Variants in UACA observed in about 807,000 individuals in gnomAD.
UACA encodes nuclear membrane binding protein.
UACA carries 112 observed loss-of-function variants against 160.5 expected under a neutral mutation model. That is an observed-to-expected ratio of 0.70 (90% CI 0.60 to 0.82). The LOEUF (loss-of-function observed/expected upper bound fraction) is 0.82, where lower values mean the gene tolerates loss of function less well. UACA is among the 40% of genes least tolerant of loss of function. The probability of loss-of-function intolerance (pLI) is 0.00; values close to 1 mark genes in which losing one functional copy is unlikely to be tolerated. For synonymous variants in UACA, 557 were observed against 568.4 expected, an observed-to-expected ratio of 0.98 and a Z score of 0.29; for missense variants, 1,574 against 1,614.6, an observed-to-expected ratio of 0.97 and a Z score of 0.43.
At chr15:70,766,679 G>C (rs1026388887), upstream of UACA, among the ~76,000 whole-genome samples, 1 of 152,096 alleles carries the variant, frequency 6.6e-6, no homozygotes, top group African/African-American at 2.4e-5. Context: ...CTGGACAATC[G>C]CTTACTGAAT....
upstream of UACA, chr15:70,763,645 G>C (rs1278755223): frequency 1.6e-6 from 1 of 640,376 alleles, no homozygotes; most frequent in Non-Finnish European, 2.2e-6. Context: ...CGGAATGCGG[G>C]AATGGGGCGG....
chr15:70,770,043 TA>T, the UACA span, among the ~76,000 whole-genome samples: 1 of 152,168 alleles, frequency 6.6e-6, no homozygotes, highest in African/African-American at 2.4e-5. Flanking sequence ...AAGGTTAATT[TA>T]AAAAAATACT....
In UACA at chr15:70,699,745, G is replaced by T. The variant is rs1898272651; in HGVS notation, c.79-85C>A. ...AGAAAGAAAAAAGAGAGAAAGGAAAGCAGTACTGCATAATACATCACTTAT... is the reference window on the plus strand; with the variant it reads ...AGAAAGAAAAAAGAGAGAAAGGAAATCAGTACTGCATAATACATCACTTAT... On this transcript the variant is annotated intron_variant, in intron 1 of 18. Transcript: ENST00000322954. The T allele has an allele frequency of 1.1e-5, 16 of 1,461,114 alleles. No homozygotes were observed. In the Admixed American group the frequency reaches 2.8e-4, roughly 26 times the overall value. 90.5% of individuals were successfully genotyped at this position (1,461,114 alleles called of 1,614,324 possible). A position where few individuals can be genotyped will look rare whatever the true frequency, so the allele number is the denominator to read the frequency against.
chr15:70,713,658 C>G (rs1333346188), intron 1 of UACA, among the ~76,000 whole-genome samples: 1 of 152,148 alleles, frequency 6.6e-6, no homozygotes, highest in Non-Finnish European at 1.5e-5. Flanking sequence ...ACTGTAGTTT[C>G]ATGAAGTTCT....
At chr15:70,726,701 T>C (rs2140992532) in intron 1 of UACA, among the ~76,000 whole-genome samples, 1 of 152,318 alleles carries the variant, frequency 6.6e-6, no homozygotes, top group Non-Finnish European at 1.5e-5. Context: ...TTTTTCTTTA[T>C]ATGTTCGGTA....
chr15:70,676,984 T>G, intron 12 of UACA, 124 bp downstream of exon 12: 1 of 724,558 alleles, frequency 1.4e-6, no homozygotes, highest in Non-Finnish European at 2.3e-6. Context: ...GATTTTGAAT[T>G]TCCCTTTAAT....
intron 13 of UACA, 117 bp from the exon 14 acceptor site, chr15:70,672,118 T>C (rs1897159107): frequency 1.2e-6 from 1 of 815,096 alleles, no homozygotes; most frequent in Admixed American, 3.0e-5. Flanking sequence ...ACATTCTTGT[T>C]TCTCCAGAGC....
At chr15:70,659,391 G>GTTTGTTTTTT (rs1896602537) in intron 18 of UACA, among the ~76,000 whole-genome samples, 1 of 9,958 alleles carries the variant, frequency 1.0e-4, no homozygotes. Flanking sequence ...TTCATTTTTT[G>GTTTGTTTTTT]TTTGTTTTTT....
intron 1 of UACA, among the ~76,000 whole-genome samples, chr15:70,709,249 CAGTT>C (rs780470639): frequency 6.6e-6 from 1 of 152,148 alleles, no homozygotes; most frequent in Non-Finnish European, 1.5e-5. Flanking sequence ...TTTCTACAGT[CAGTT>C]ATTATGTTGG....
At chr15:70,709,477 T>C (rs780110582) in intron 1 of UACA, among the ~76,000 whole-genome samples, 2 of 152,216 alleles carry the variant, frequency 1.3e-5, no homozygotes, top group Non-Finnish European at 2.9e-5. Flanking sequence ...ATTAGAAATT[T>C]GTAACTATTC....
intron 1 of UACA, among the ~76,000 whole-genome samples, chr15:70,759,396 T>C (rs1372271415): frequency 6.6e-6 from 1 of 152,182 alleles, no homozygotes; most frequent in African/African-American, 2.4e-5. Context: ...TGGCTGATGC[T>C]TGTAATCCCA....
chr15:70,696,065 T>A (rs576152088), intron 2 of UACA, among the ~76,000 whole-genome samples: 9 of 152,204 alleles, frequency 5.9e-5, no homozygotes, highest in African/African-American at 2.2e-4. Context: ...GCAATAACCA[T>A]TCTAGAGATG....
intron 5 of UACA, 101 bp downstream of exon 5, chr15:70,690,353 T>C: frequency 9.5e-7 from 1 of 1,048,828 alleles, no homozygotes. Context: ...TCTTTGTTTC[T>C]CCATGAATTA....
intron 13 of UACA, among the ~76,000 whole-genome samples, chr15:70,674,692 G>A (rs773241209): frequency 1.3e-5 from 2 of 152,092 alleles, no homozygotes; most frequent in African/African-American, 2.4e-5. Context: ...CCACCTCCCA[G>A]ATTCAAGCAA....
At chr15:70,675,705 CAT>C (rs1462861122) in intron 13 of UACA, among the ~76,000 whole-genome samples, 47 of 152,184 alleles carry the variant, frequency 3.1e-4, no homozygotes, top group African/African-American at 1.0e-3. Flanking sequence ...ATAATGCACA[CAT>C]AGTTTTTTAT....
At chr15:70,682,709 TTAAAC>T (rs749907673) in intron 9 of UACA, 44 bp downstream of exon 9, 39 of 1,236,390 alleles carry the variant, frequency 3.2e-5, no homozygotes, top group Non-Finnish European at 4.0e-5. Flanking sequence ...ACTAAGCACT[TTAAAC>T]TATACAATAC....
chr15:70,775,837 T>C, the UACA span, among the ~76,000 whole-genome samples: 1 of 152,222 alleles, frequency 6.6e-6, no homozygotes, highest in African/African-American at 2.4e-5. Flanking sequence ...ATTTGATAAG[T>C]GACTGAGTTT....
rs71152307 is a variant in UACA, at chr15:70,659,395, G to GTTTTTTTTTTTTTTTTTTTTTTTT, written c.4179+732_4179+755dup. Among the ~76,000 whole-genome samples the GTTTTTTTTTTTTTTTTTTTTTTTT allele has an allele frequency of 3.0e-3, 57 of 18,844 alleles. 25 individuals are homozygous for GTTTTTTTTTTTTTTTTTTTTTTTT. The highest frequency in any genetic ancestry group is 4.6e-3 in the Non-Finnish European group (48 of 10,450). 12.4% of individuals were successfully genotyped at this position (18,844 alleles called of 152,430 possible). ...TCTTTCCCTTCTTCATTTTTTGTTT[G>GTTTTTTTTTTTTTTTTTTTTTTTT]TTTTTTTTTTTTTTTTTTTTTTTTT... On this transcript the variant is annotated intron_variant, in intron 18 of 18. Coordinates refer to ENST00000322954, the MANE Select transcript of UACA (RefSeq NM_018003.4).
chr15:70,723,989 T>C (rs1173372028), intron 1 of UACA, among the ~76,000 whole-genome samples: 3 of 152,208 alleles, frequency 2.0e-5, no homozygotes, highest in Non-Finnish European at 4.4e-5. Flanking sequence ...GCCCTCCCTG[T>C]TATATATTCT....
Sources: gnomAD v4.1 joint callset for allele counts (sites outside exome capture counted in the v4.1 genomes callset) on GRCh38, gnomAD v4.1.1 for gene constraint, MANE v1.5 for transcripts, NCBI Gene and HGNC (gene_info 2026-07-23, HGNC 2026-07-21) for gene names.